The following FHIT variants were observed in gnomAD, a reference collection of about 807,000 sequenced individuals.
FHIT encodes fragile histidine triad diadenosine triphosphatase, also known as bis(5'-adenosyl)-triphosphatase.
In FHIT, 19 loss-of-function variants were observed where a neutral mutation model predicts 17.9. The ratio of observed to expected loss-of-function variants is 1.06; its 90% CI spans 0.74 to 1.56. The LOEUF is 1.56. Ranked by LOEUF, FHIT falls within the 40% of genes most tolerant of loss-of-function variation. FHIT has a pLI of 0.00. For synonymous variants in FHIT, 81 were observed against 69.7 expected (o/e 1.16, Z -0.81); for missense variants, 248 against 189.2 (o/e 1.31, Z -1.82).
In FHIT at chr3:59,776,766, T is replaced by C. The variant is rs376157085; in HGVS notation, c.349-24445A>G. On this transcript the variant is annotated intron_variant, in intron 8 of 9. Coordinates refer to ENST00000492590, the MANE Select transcript of FHIT (RefSeq NM_002012.4). ...TGTGCTCAGCGCTGATCCAAGCACA[T>C]TGCATATATTATTTCATTTCACAAC... Among the ~76,000 whole-genome samples the C allele has an allele frequency of 2.0e-4, 31 of 152,332 alleles. No homozygotes were observed. The East Asian group carries it at 2.7e-3, about 13-fold the overall frequency.
chr3:60,131,593 A>G (rs549297909), intron 5 of FHIT, among the ~76,000 whole-genome samples: 2 of 152,052 alleles, frequency 1.3e-5, no homozygotes, highest in South Asian at 4.2e-4. Context: ...CTTTCCCCCC[A>G]GTTCTCCCTG....
chr3:60,130,789 G>GTGTGTGTGTA (rs1559660689), intron 5 of FHIT, among the ~76,000 whole-genome samples: 29 of 136,096 alleles, frequency 2.1e-4, no homozygotes, highest in African/African-American at 7.1e-4. Context: ...TGTGTGGTGT[G>GTGTGTGTGTA]TATATACACA....
intron 5 of FHIT, among the ~76,000 whole-genome samples, chr3:60,185,232 T>A (rs887871911): frequency 6.6e-6 from 1 of 152,084 alleles, no homozygotes; most frequent in Non-Finnish European, 1.5e-5. Context: ...CAGCGTCAAA[T>A]TGAATAGTTT....
rs1257668042 is a variant in FHIT at position 60,632,649 on chromosome 3, G to A, written c.-17-95670C>T. Among the ~76,000 whole-genome samples the A allele has an allele frequency of 6.6e-5, 10 of 152,190 alleles. No homozygotes were observed. In the East Asian group the frequency reaches 7.7e-4, roughly 12 times the overall value. On this transcript the variant is annotated intron_variant, in intron 4 of 9. Transcript: ENST00000492590. Reference sequence around the variant, plus strand: ...GATAAACTTTCTAGAACAAGCTAACGCCATAATTTGACCCTAATTCCAAAA... The same window carrying A: ...GATAAACTTTCTAGAACAAGCTAACACCATAATTTGACCCTAATTCCAAAA...
intron 2 of FHIT, among the ~76,000 whole-genome samples, chr3:61,099,091 C>A (rs1277393080): frequency 6.6e-6 from 1 of 152,038 alleles, no homozygotes; most frequent in Non-Finnish European, 1.5e-5. Context: ...GAGGTATGTT[C>A]CTCCAATAAG....
chr3:59,805,581 C>T (rs1415554278), intron 8 of FHIT, among the ~76,000 whole-genome samples: 1 of 152,148 alleles, frequency 6.6e-6, no homozygotes, highest in African/African-American at 2.4e-5. Context: ...CATTAGACTA[C>T]ATCCTTTTTG....
At chr3:60,959,753 C>T (rs1437290965) in intron 3 of FHIT, among the ~76,000 whole-genome samples, 4 of 148,988 alleles carry the variant, frequency 2.7e-5, no homozygotes, top group Non-Finnish European at 4.4e-5. Context: ...GTGTAGTTTG[C>T]GTGCAAAAAC....
intron 2 of FHIT, among the ~76,000 whole-genome samples, chr3:61,151,444 C>T (rs2037385570): frequency 6.6e-6 from 1 of 152,114 alleles, no homozygotes; most frequent in Non-Finnish European, 1.5e-5. Flanking sequence ...TTATTTCCCT[C>T]TTTTTCTCAT....
intron 5 of FHIT, among the ~76,000 whole-genome samples, chr3:60,025,805 G>T (rs1254951712): frequency 6.7e-6 from 1 of 149,736 alleles, no homozygotes; most frequent in African/African-American, 2.4e-5. Flanking sequence ...AAAACAGGAA[G>T]CAAAAGACAT....
intron 5 of FHIT, among the ~76,000 whole-genome samples, chr3:60,072,128 G>A (rs1294991380): frequency 6.6e-6 from 1 of 152,208 alleles, no homozygotes; most frequent in Non-Finnish European, 1.5e-5. Flanking sequence ...AGGTAGAGGA[G>A]GAGAAACCAA....
At chr3:60,967,380 C>T (rs182630213) in intron 3 of FHIT, among the ~76,000 whole-genome samples, 4 of 152,252 alleles carry the variant, frequency 2.6e-5, no homozygotes, top group African/African-American at 7.2e-5. Flanking sequence ...ATACCTAAGA[C>T]TTTGGTGTAT....
intron 4 of FHIT, among the ~76,000 whole-genome samples, chr3:60,757,360 C>G (rs1699471091): frequency 1.3e-5 from 2 of 152,072 alleles, no homozygotes; most frequent in Admixed American, 1.3e-4. Context: ...TCAGATTGAA[C>G]AAAGCAATGG....
At chr3:60,029,162 C>T (rs1575925404) in intron 5 of FHIT, among the ~76,000 whole-genome samples, 1 of 152,108 alleles carries the variant, frequency 6.6e-6, no homozygotes, top group South Asian at 2.1e-4. Context: ...TTTCTTTATA[C>T]TCTGATAACT....
At chr3:61,030,412 G>C (rs1192646513) in intron 3 of FHIT, among the ~76,000 whole-genome samples, 1 of 152,182 alleles carries the variant, frequency 6.6e-6, no homozygotes, top group Admixed American at 6.5e-5. Flanking sequence ...AGCCAAATGT[G>C]ACTATTAACA....
At chr3:60,094,767 T>C (rs1416927886) in intron 5 of FHIT, among the ~76,000 whole-genome samples, 1 of 137,974 alleles carries the variant, frequency 7.2e-6, no homozygotes, top group African/African-American at 2.8e-5. Flanking sequence ...CATTTGCAGG[T>C]GAGGGAGGGA....
chr3:60,728,124 C>A (rs549026676), intron 4 of FHIT, among the ~76,000 whole-genome samples: 3 of 152,322 alleles, frequency 2.0e-5, no homozygotes, highest in Non-Finnish European at 2.9e-5. Flanking sequence ...AAATGCAGGA[C>A]ATAATGTAAA....
At chr3:60,437,630 G>A (rs967014904) in intron 5 of FHIT, among the ~76,000 whole-genome samples, 1 of 151,964 alleles carries the variant, frequency 6.6e-6, no homozygotes, top group Non-Finnish European at 1.5e-5. Flanking sequence ...ATATAGATTA[G>A]GTAAACGATA....
intron 4 of FHIT, among the ~76,000 whole-genome samples, chr3:60,638,362 C>A (rs568654257): frequency 1.3e-5 from 2 of 152,262 alleles, no homozygotes; most frequent in South Asian, 2.1e-4. Context: ...AGCTGCAAAA[C>A]CTTTGCCTTA....
At chr3:60,588,891 G>T (rs1194955672) in intron 4 of FHIT, among the ~76,000 whole-genome samples, 2 of 152,036 alleles carry the variant, frequency 1.3e-5, no homozygotes, top group Non-Finnish European at 2.9e-5. Flanking sequence ...GAAGTCAGAA[G>T]TTTCCCAAGT....
Sources: allele counts gnomAD v4.1 joint callset (sites outside exome capture counted in the v4.1 genomes callset), GRCh38; gene constraint gnomAD v4.1.1; transcripts MANE v1.5; gene names NCBI Gene and HGNC (gene_info 2026-07-23, HGNC 2026-07-21).